The following USP18 variants were observed in gnomAD, a reference collection of about 807,000 sequenced individuals.
USP18 encodes ubiquitin specific peptidase 18, also known as ubl carboxyl-terminal hydrolase 18.
Under a neutral mutation model 48.7 loss-of-function variants are expected in USP18, and 11 were observed. The ratio of observed to expected loss-of-function variants is 0.23; its 90% CI spans 0.14 to 0.37. The LOEUF (loss-of-function observed/expected upper bound fraction) is 0.37. USP18 is among the 10% of genes least tolerant of loss of function. The pLI, the probability that USP18 is intolerant of heterozygous loss-of-function variation, is 1.00. For synonymous variants in USP18, 114 were observed against 163.2 expected (o/e 0.70, Z 2.30); for missense variants, 285 against 436.4 (o/e 0.65, Z 3.09).
At chr22:18,158,561 A>G (rs1226618966) in intron 2 of USP18, among the ~76,000 whole-genome samples, 1 of 152,156 alleles carries the variant, frequency 6.6e-6, no homozygotes, top group Non-Finnish European at 1.5e-5. Context: ...CCCTTTCCCC[A>G]AGAATCCTGA....
At chr22:18,155,847 G>C (rs183562542) in intron 1 of USP18, among the ~76,000 whole-genome samples, 6,188 of 152,304 alleles carry the variant, frequency 0.041, 165 homozygotes, top group African/African-American at 0.074. Context: ...GAGTCCCACC[G>C]ACCACCCAAG....
intron 3 of USP18, among the ~76,000 whole-genome samples, chr22:18,161,285 C>T (rs921250246): frequency 3.0e-5 from 4 of 135,414 alleles, no homozygotes; most frequent in Non-Finnish European, 6.2e-5. Context: ...CCTGTGCTCT[C>T]TCCTTTTTCC....
chr22:18,157,938 T>C (rs1929217037), intron 2 of USP18, 118 bp downstream of exon 2: 2 of 1,379,656 alleles, frequency 1.4e-6, no homozygotes, highest in African/African-American at 1.4e-5. Flanking sequence ...TGTGCCTGAG[T>C]TTCTGCATCT....
intron 2 of USP18, among the ~76,000 whole-genome samples, chr22:18,158,455 G>C (rs1407246057): frequency 6.6e-6 from 1 of 152,134 alleles, no homozygotes; most frequent in Non-Finnish European, 1.5e-5. Flanking sequence ...GGTCTGTCTG[G>C]AAGCAATGTG....
intron 1 of USP18, among the ~76,000 whole-genome samples, chr22:18,155,171 A>G (rs950467978): frequency 6.6e-6 from 1 of 152,232 alleles, no homozygotes; most frequent in Non-Finnish European, 1.5e-5. Flanking sequence ...GCCCAGGGCC[A>G]CTGTAGTTGT....
rs564202760 is a variant in USP18, at chr22:18,168,405, CT to C, written c.627+377del. 7.3e-5 allele frequency among the ~76,000 whole-genome samples: 11 copies of C among 150,076 alleles called. No homozygotes were observed. In the East Asian group the frequency reaches 9.8e-4, roughly 13 times the overall value. ...CATGATGCAATAACCTCCCCCCCCC[CT>C]TTTTTTTGGAGACAGAGTCTTCCTC... On this transcript the variant is annotated intron_variant, in intron 6 of 10. Transcript: ENST00000215794.
chr22:18,167,276 C>T lies in USP18; in HGVS notation c.422C>T (p.Ala141Val). The T allele has an allele frequency of 6.2e-7, 1 of 1,613,770 alleles. No individual in the cohort carries two copies. Among genetic ancestry groups the T allele is most frequent in the East Asian group, 2.2e-5 (1 of 44,880 alleles). The change falls in exon 5 of 11, where the codon GCC (alanine) becomes GTC (valine). Residue 141 changes from alanine to valine, a missense_variant. Around this residue, in one of 5 missense-constraint regions of USP18, gnomAD observed 199 missense variants for 239.6 expected, o/e 0.83. Coordinates refer to ENST00000215794, the MANE Select transcript of USP18 (RefSeq NM_017414.4). ...NVPLFVQHDA[A>V]QLYLKLWNLI... ...CCAGTGTTTGTCCAACATGATGCTG[C>T]CCAACTGTACCTCAAACTCTGGAAC...
At chr22:18,167,830 T>C in intron 5 of USP18, 60 bp from the exon 6 acceptor site, 1 of 1,553,684 alleles carries the variant, frequency 6.4e-7, no homozygotes, top group South Asian at 1.2e-5. Flanking sequence ...CTTCTGGCAG[T>C]TGGCCTGACC....
chr22:18,170,540 T>C (rs1393713796), intron 7 of USP18, among the ~76,000 whole-genome samples: 1 of 151,570 alleles, frequency 6.6e-6, no homozygotes, highest in Non-Finnish European at 1.5e-5. Context: ...CCCTGTGCCC[T>C]TGTGCCTCTT....
intron 4 of USP18, among the ~76,000 whole-genome samples, chr22:18,162,581 T>C (rs892070603): frequency 4.7e-5 from 7 of 149,744 alleles, no homozygotes; most frequent in South Asian, 4.3e-4. Flanking sequence ...ATCAGTCTTA[T>C]TGGTGTCCTT....
chr22:18,156,379 T>C (rs1033728143), intron 1 of USP18, among the ~76,000 whole-genome samples: 3 of 152,226 alleles, frequency 2.0e-5, no homozygotes, highest in Non-Finnish European at 4.4e-5. Flanking sequence ...TTTCCTTCCA[T>C]GCTGTGGAAG....
chr22:18,155,831 GC>G (rs1929118008), intron 1 of USP18, among the ~76,000 whole-genome samples: 1 of 152,202 alleles, frequency 6.6e-6, no homozygotes, highest in Non-Finnish European at 1.5e-5. Flanking sequence ...CCGGCTCCAC[GC>G]CGCCGAGTCC....
At chr22:18,175,585 G>C (rs867131137) in intron 10 of USP18, among the ~76,000 whole-genome samples, 2 of 149,646 alleles carry the variant, frequency 1.3e-5, no homozygotes, top group African/African-American at 5.1e-5. Flanking sequence ...TGCGGTGTCT[G>C]TTGCAACCAC....
chr22:18,155,131 G>A (rs1929094146), intron 1 of USP18, among the ~76,000 whole-genome samples: 1 of 152,268 alleles, frequency 6.6e-6, no homozygotes, highest in South Asian at 2.1e-4. Flanking sequence ...AGCTGTGATG[G>A]CGTGCTTGCT....
chr22:18,156,716 A>C (rs936029780), intron 1 of USP18, among the ~76,000 whole-genome samples: 1 of 152,214 alleles, frequency 6.6e-6, no homozygotes, highest in Non-Finnish European at 1.5e-5. Flanking sequence ...TAGCGAGACC[A>C]CAAACCCACC....
At position 18,161,507 on chromosome 22, in the gene USP18, G is replaced by A. The variant is rs532162846; in HGVS notation, c.255-283G>A. Among the ~76,000 whole-genome samples, 337 of 35,206 alleles carry A rather than the reference G, an allele frequency of 9.6e-3. 6 individuals are homozygous for A. Among genetic ancestry groups the A allele is most frequent in the African/African-American group, 0.037 (306 of 8,308 alleles). The allele number at this position is 35,206 out of a possible 152,430, so 23.1% of individuals were successfully genotyped here. On this transcript the variant is annotated intron_variant, in intron 3 of 10. Transcript: ENST00000215794. ...ACGATTGCTGGGCAGGGTGCAGAGG[G>A]GCCAAGGCAGCAGTCATGCTGATCC...
chr22:18,169,524 T>C (rs12329996), intron 6 of USP18, among the ~76,000 whole-genome samples: 61,507 of 152,032 alleles, frequency 0.4, 13,525 homozygotes, highest in African/African-American at 0.59. Context: ...TGCGGTGAAC[T>C]GAGATCGCGC....
rs984039408 is a variant in USP18, at chr22:18,157,582, T to C, written c.-82T>C. 5 of 1,577,214 alleles carry C rather than the reference T, an allele frequency of 3.2e-6. No individual in the cohort carries two copies. The highest frequency in any genetic ancestry group is 1.7e-4 in the Middle Eastern group (1 of 5,836). ...GAGATTCCATCGTGCCTGGCTCACA[T>C]AAGCGCTTCCTGGAAGTGAAGTCGT... On this transcript the variant is annotated 5_prime_UTR_variant, in exon 2 of 11. It removes the in-frame stop codon of an upstream open reading frame in the 5' UTR. Transcript: ENST00000215794.
chr22:18,168,979 G>A (rs1273262848), intron 6 of USP18, among the ~76,000 whole-genome samples: 1 of 151,956 alleles, frequency 6.6e-6, no homozygotes, highest in Non-Finnish European at 1.5e-5. Context: ...CCAGTCAGTA[G>A]GTGCCCTTTG....
Sources: allele counts gnomAD v4.1 joint callset (sites outside exome capture counted in the v4.1 genomes callset), GRCh38; gene constraint gnomAD v4.1.1; regional missense constraint gnomAD v4.1.1; transcripts MANE v1.5; gene names NCBI Gene and HGNC (gene_info 2026-07-23, HGNC 2026-07-21).